CACNA2D2: variants seen among roughly 807,000 people sequenced by gnomAD.
The protein encoded by CACNA2D2 is calcium voltage-gated channel auxiliary subunit alpha2delta 2, also known as voltage-dependent calcium channel subunit alpha-2/delta-2.
A neutral mutation model predicts 166.4 loss-of-function variants in CACNA2D2; 48 were observed. The observed-to-expected ratio is 0.29, with a 90% CI of 0.23 to 0.37. The LOEUF (loss-of-function observed/expected upper bound fraction) is 0.37, where lower values mean the gene tolerates loss of function less well. CACNA2D2 is among the 10% of genes least tolerant of loss of function. The pLI is 1.00. For synonymous variants in CACNA2D2, 561 were observed against 573.7 expected (o/e 0.98, Z 0.32); for missense variants, 1,122 against 1,433.0 (o/e 0.78, Z 3.50).
intron 22 of CACNA2D2, 33 bp from the exon 23 acceptor site, chr3:50,370,413 G>A: frequency 1.5e-6 from 2 of 1,325,076 alleles, no homozygotes; most frequent in Non-Finnish European, 2.1e-6. Flanking sequence ...TCCGGCGGGG[G>A]CTGGGGAGGC....
chr3:50,380,702 G>T lies in CACNA2D2; in HGVS notation c.842+46C>A. On this transcript the variant is annotated intron_variant, in intron 8 of 37. Transcript: ENST00000424201. The surrounding 1 kb of genome is among the most constrained non-coding windows in gnomAD (Gnocchi z 4.9). ...GGGAGGGGAGCAGGCAGGAAAGGTG[G>T]GGAACTGAGGGGGTGTCCCTCCCCA... 7.1e-7 allele frequency: 1 copy of T among 1,410,470 alleles called. No homozygotes were observed. Among genetic ancestry groups the T allele is most frequent in the Non-Finnish European group, 9.4e-7 (1 of 1,059,444 alleles). 87.4% of individuals were successfully genotyped at this position (1,410,470 alleles called of 1,614,324 possible).
At chr3:50,431,683 C>T (rs1473278171) in intron 3 of CACNA2D2, among the ~76,000 whole-genome samples, 1 of 152,108 alleles carries the variant, frequency 6.6e-6, no homozygotes, top group Non-Finnish European at 1.5e-5. Context: ...CCCATCATTT[C>T]TCATAAAAAA....
At chr3:50,390,168 A>T (rs587664408) in intron 4 of CACNA2D2, among the ~76,000 whole-genome samples, 1 of 152,242 alleles carries the variant, frequency 6.6e-6, no homozygotes, top group South Asian at 2.1e-4. Flanking sequence ...CCTGGCCTCA[A>T]ATTCTGACCT....
rs1704987180 is a variant in CACNA2D2, at chr3:50,376,284, G to C, written c.1627-96C>G. On this transcript the variant is annotated intron_variant, in intron 17 of 37. Transcript: ENST00000424201. The surrounding 1 kb of genome is among the most constrained non-coding windows in gnomAD (Gnocchi z 4.3). The stretch of plus-strand genomic sequence containing the variant: ...CCTATTTGGCCTCCCACCGCACCGA[G>C]AGATTCTGTTTGCCTGCCTTGGGCT... 5 of 1,295,834 alleles carry C rather than the reference G, an allele frequency of 3.9e-6. No individual in the cohort carries two copies. The highest frequency in any genetic ancestry group is 2.0e-5 in the Admixed American group (1 of 49,988). The allele number at this position is 1,295,834 out of a possible 1,614,324, so 80.3% of individuals were successfully genotyped here. A position where few individuals can be genotyped will look rare whatever the true frequency, so the allele number is the denominator to read the frequency against.
chr3:50,495,542 G>A (rs1488505491), intron 1 of CACNA2D2, among the ~76,000 whole-genome samples: 1 of 152,218 alleles, frequency 6.6e-6, no homozygotes, highest in East Asian at 1.9e-4. Flanking sequence ...TGAAGGAAGT[G>A]TCTTCGCTGG....
chr3:50,380,834 T>G lies in CACNA2D2; in HGVS notation c.785-29A>C, dbSNP rs1458797102. The G allele has an allele frequency of 5.8e-6, 9 of 1,540,078 alleles. No individual in the cohort carries two copies. In the East Asian group the frequency reaches 2.1e-4, roughly 35 times the overall value. ...AGGGAGGAGAGAAGGTGAGGGGGAC[T>G]GGCAGGAAAGGGCTGGCCTGGGTAG... On this transcript the variant is annotated intron_variant, in intron 7 of 37. Transcript: ENST00000424201. This position sits in a 1 kb window ranked among gnomAD's most constrained non-coding sequence, Gnocchi z 4.9.
rs1052216205 is a variant in CACNA2D2, at chr3:50,440,708, C to T, written c.289-6279G>A. On this transcript the variant is annotated intron_variant, in intron 2 of 37. Transcript: ENST00000424201. The stretch of plus-strand genomic sequence containing the variant: ...GCCCATTAATAGCACTATCCTCCCC[C>T]ACCCCCACCTCCTTACATCCCCCTG... Among the ~76,000 whole-genome samples the T allele has an allele frequency of 2.6e-5, 4 of 152,262 alleles. No homozygotes were observed. The East Asian group carries it at 7.7e-4, about 29-fold the overall frequency.
intron 2 of CACNA2D2, among the ~76,000 whole-genome samples, chr3:50,445,398 C>T (rs55876418): frequency 0.086 from 13,166 of 152,232 alleles, 1,736 homozygotes; most frequent in African/African-American, 0.28. Context: ...TGTGAATGTG[C>T]AAGCAAGTGT....
At chr3:50,398,531 C>T (rs1224408329) in intron 3 of CACNA2D2, among the ~76,000 whole-genome samples, 1 of 151,500 alleles carries the variant, frequency 6.6e-6, no homozygotes, top group Non-Finnish European at 1.5e-5. Context: ...GTCTCTGGAC[C>T]TGTGTAGAGG....
chr3:50,430,972 C>G (rs1408835129), intron 3 of CACNA2D2, among the ~76,000 whole-genome samples: 1 of 152,152 alleles, frequency 6.6e-6, no homozygotes, highest in Non-Finnish European at 1.5e-5. Flanking sequence ...CAGCAACCAC[C>G]CTTTGCAGCT....
chr3:50,383,191 C>A (rs904001748), intron 6 of CACNA2D2, among the ~76,000 whole-genome samples: 5 of 152,210 alleles, frequency 3.3e-5, no homozygotes, highest in African/African-American at 7.2e-5. Flanking sequence ...TCGACTGGCT[C>A]GGGCAGGTGG....
At chr3:50,393,606 G>A (rs763829321) in intron 4 of CACNA2D2, among the ~76,000 whole-genome samples, 1 of 152,230 alleles carries the variant, frequency 6.6e-6, no homozygotes, top group African/African-American at 2.4e-5. Context: ...CTTCTGAGGT[G>A]GAAGGAGAGG....
intron 2 of CACNA2D2, among the ~76,000 whole-genome samples, chr3:50,457,499 A>AT (rs1041215778): frequency 7.2e-5 from 11 of 152,152 alleles, no homozygotes; most frequent in African/African-American, 2.7e-4. Context: ...TCAGGGGCCA[A>AT]TGTCTCCCCG....
intron 1 of CACNA2D2, among the ~76,000 whole-genome samples, chr3:50,501,923 C>A (rs1698981624): frequency 6.6e-6 from 1 of 152,042 alleles, no homozygotes; most frequent in Admixed American, 6.5e-5. Flanking sequence ...TGACAGAGGA[C>A]ACGTCCGTGC....
At chr3:50,481,180 G>A (rs1698042091) in intron 1 of CACNA2D2, among the ~76,000 whole-genome samples, 1 of 152,026 alleles carries the variant, frequency 6.6e-6, no homozygotes, top group Non-Finnish European at 1.5e-5. Flanking sequence ...GGTGGGTGTG[G>A]GCAGCTGGAC....
intron 16 of CACNA2D2, 86 bp from the exon 17 acceptor site, chr3:50,377,627 G>A (rs956800156): frequency 1.3e-6 from 2 of 1,560,232 alleles, no homozygotes; most frequent in African/African-American, 1.4e-5. Flanking sequence ...GCTCTCACAG[G>A]CAGTGTGCAG....
At chr3:50,466,009 T>C (rs1709812978) in intron 2 of CACNA2D2, among the ~76,000 whole-genome samples, 1 of 152,180 alleles carries the variant, frequency 6.6e-6, no homozygotes, top group Non-Finnish European at 1.5e-5. Flanking sequence ...CCTTGCTCCT[T>C]ACCAGCCACA....
chr3:50,443,894 G>A (rs545124049), intron 2 of CACNA2D2, among the ~76,000 whole-genome samples: 1 of 152,222 alleles, frequency 6.6e-6, no homozygotes, highest in African/African-American at 2.4e-5. Context: ...GGCCAGGGGG[G>A]ACTCCCAATC....
chr3:50,445,469 G>A (rs185093766), intron 2 of CACNA2D2, among the ~76,000 whole-genome samples: 1 of 152,304 alleles, frequency 6.6e-6, no homozygotes, highest in East Asian at 1.9e-4. Context: ...ACCTCCTGAT[G>A]CCATCTTACT....
Sources: gnomAD v4.1 joint callset for allele counts (sites outside exome capture counted in the v4.1 genomes callset) on GRCh38, gnomAD v4.1.1 for gene constraint, Gnocchi (gnomAD v3.1) non-coding constraint, MANE v1.5 for transcripts, NCBI Gene and HGNC (gene_info 2026-07-23, HGNC 2026-07-21) for gene names.